KLHDC4: variants seen among roughly 807,000 people sequenced by gnomAD.
The protein encoded by KLHDC4 is kelch domain containing 4, also known as kelch domain-containing protein 4.
A neutral mutation model predicts 62.4 loss-of-function variants in KLHDC4; 90 were observed. The observed-to-expected ratio is 1.44, with a 90% confidence interval of 1.22 to 1.72. The LOEUF (loss-of-function observed/expected upper bound fraction) is 1.72. Ranked by LOEUF, KLHDC4 falls within the 40% of genes most tolerant of loss-of-function variation. KLHDC4 has a pLI of 0.00. For missense variants in KLHDC4, 1,025 were observed against 699.7 expected (o/e 1.47, Z -5.25); for synonymous variants, 386 against 284.4 (o/e 1.36, Z -3.59).
At chr16:87,738,042 G>A (rs544848192) in intron 5 of KLHDC4, among the ~76,000 whole-genome samples, 4 of 152,254 alleles carry the variant, frequency 2.6e-5, no homozygotes, top group East Asian at 1.9e-4. Flanking sequence ...GTTTGCTGTC[G>A]ATAGACCCCA....
chr16:87,702,940 GAAAA>G (rs997711279), downstream of KLHDC4: 5 of 152,108 alleles, frequency 3.3e-5, no homozygotes, highest in Non-Finnish European at 7.3e-5. Context: ...CTTATGAAAT[GAAAA>G]AAAGTTTTCC....
intron 7 of KLHDC4, among the ~76,000 whole-genome samples, chr16:87,718,455 A>G (rs1447321615): frequency 1.3e-5 from 2 of 149,924 alleles, no homozygotes; most frequent in Admixed American, 1.3e-4. Context: ...ATCTCGGCTC[A>G]CTGCAACCTC....
At chr16:87,723,074 G>A (rs1026506377) in intron 7 of KLHDC4, among the ~76,000 whole-genome samples, 7 of 152,178 alleles carry the variant, frequency 4.6e-5, no homozygotes, top group Admixed American at 1.3e-4. Context: ...GTGTAATGGC[G>A]CCAGAGCAAG....
chr16:87,709,233 C>T lies in KLHDC4; in HGVS notation c.1447+32G>A, dbSNP rs76449537. 114 of 1,589,016 alleles carry T rather than the reference C, an allele frequency of 7.2e-5. No individual in the cohort carries two copies. The Middle Eastern group carries it at 1.5e-3, about 21-fold the overall frequency. ...ACACACGACCGTGGGCTCTCGCTCC[C>T]GGGCACGGAGGCACCAAGCTGCCTG... On this transcript the variant is annotated intron_variant, in intron 10 of 11. Coordinates refer to ENST00000270583, the MANE Select transcript of KLHDC4 (RefSeq NM_017566.4).
intron 7 of KLHDC4, among the ~76,000 whole-genome samples, chr16:87,725,247 T>C (rs551318743): frequency 6.6e-6 from 1 of 152,274 alleles, no homozygotes; most frequent in East Asian, 1.9e-4. Flanking sequence ...GTGCCCGCAC[T>C]TGTAAAAATG....
At chr16:87,701,764 T>C (rs1458730452) in exon 1 of KLHDC4, 2 of 456,644 alleles carry the variant, frequency 4.4e-6, no homozygotes, top group South Asian at 1.5e-5. Flanking sequence ...CTCCCAAGCG[T>C]GCACACCCGT....
intron 2 of KLHDC4, 33 bp from the exon 3 acceptor site, chr16:87,756,510 T>A: frequency 6.6e-7 from 1 of 1,517,628 alleles, no homozygotes; most frequent in Non-Finnish European, 9.1e-7. Flanking sequence ...GTCAGCAAGA[T>A]CACCCCCGAT....
chr16:87,743,833 C>T (rs1038256308), intron 5 of KLHDC4, among the ~76,000 whole-genome samples: 3 of 152,118 alleles, frequency 2.0e-5, no homozygotes, highest in Admixed American at 2.0e-4. Context: ...ACCACCATAG[C>T]CCAGGTTTAA....
At chr16:87,714,018 G>A (rs753229950) in intron 8 of KLHDC4, among the ~76,000 whole-genome samples, 5 of 152,262 alleles carry the variant, frequency 3.3e-5, no homozygotes, top group South Asian at 2.1e-4. Flanking sequence ...CTGTGCATGA[G>A]CAACACCGAC....
At chr16:87,741,137 C>G (rs2042176928) in intron 5 of KLHDC4, among the ~76,000 whole-genome samples, 3 of 152,226 alleles carry the variant, frequency 2.0e-5, no homozygotes, top group Non-Finnish European at 4.4e-5. Flanking sequence ...AAAGTATCCA[C>G]ATGATGTCCT....
chr16:87,735,135 T>C (rs2041084148), intron 5 of KLHDC4, among the ~76,000 whole-genome samples: 1 of 150,428 alleles, frequency 6.6e-6, no homozygotes, highest in Non-Finnish European at 1.5e-5. Flanking sequence ...CCGTCTCTAC[T>C]AAAAATACAA....
At chr16:87,712,260 T>C (rs753891228) in intron 8 of KLHDC4, among the ~76,000 whole-genome samples, 12 of 152,046 alleles carry the variant, frequency 7.9e-5, no homozygotes, top group Non-Finnish European at 1.5e-4. Flanking sequence ...TGGAGATTTT[T>C]TTCCTCCAAT....
At chr16:87,741,077 G>T (rs565433919) in intron 5 of KLHDC4, 21 of 152,248 alleles carry the variant, frequency 1.4e-4, no homozygotes, top group African/African-American at 5.1e-4. Flanking sequence ...CCATTATGAC[G>T]TCAAGTATAT....
At chr16:87,708,309 C>T (rs773834009) in intron 11 of KLHDC4, 41 bp downstream of exon 11, 1 of 1,324,458 alleles carries the variant, frequency 7.6e-7, no homozygotes, top group Non-Finnish European at 1.0e-6. Flanking sequence ...CTTTCACGAA[C>T]ACCCAGCAGC....
chr16:87,744,986 C>T (rs894662202), intron 5 of KLHDC4, among the ~76,000 whole-genome samples: 5 of 86,800 alleles, frequency 5.8e-5, no homozygotes, highest in Admixed American at 2.1e-4. Flanking sequence ...TCTGCACACA[C>T]GCGGTGCACA....
rs558880484 is a variant in KLHDC4 at position 87,726,917 on chromosome 16, T to C, written c.607A>G (p.Ile203Val). 1.9e-6 allele frequency: 3 copies of C among 1,613,858 alleles called. No individual in the cohort carries two copies. Among genetic ancestry groups the C allele is most frequent in the South Asian group, 2.2e-5 (2 of 91,076 alleles). ...AAGGCATACACGTCGTTGTAGTAGA[T>C]GTAATCCCTGGTTAGAAGAACAGCA... ...GGFHESTRDY[I>V]YYNDVYAFNL... The change falls in exon 7 of 12, where the codon ATC (isoleucine) becomes GTC (valine). Residue 203 changes from isoleucine (I) to valine (V), a missense_variant. By Grantham distance (29) the Ile-to-Val change is conservative. Transcript: ENST00000270583.
At position 87,761,982 on chromosome 16, in the gene KLHDC4, G is replaced by T; in HGVS notation, c.158C>A (p.Thr53Asn). 6.2e-7 allele frequency: 1 copy of T among 1,614,004 alleles called. No individual in the cohort carries two copies. Reference sequence around the variant, plus strand: ...GGGTGGGGGGCACGGAAGTTCCACAGTCTGAGTCCTCTTGGCATCGAGTGT... The same window carrying T: ...GGGTGGGGGGCACGGAAGTTCCACATTCTGAGTCCTCTTGGCATCGAGTGT... ...FQTLDAKRTQ[T>N]VELPCPPPSP... Residue 53 changes from threonine to asparagine, a missense_variant, in exon 2 of 12, where the codon ACT becomes AAT. Transcript: ENST00000270583.
Position 87,711,339 on chromosome 16 carries a change from C to T in KLHDC4, c.940G>A (p.Gly314Ser). Residue 314 changes from glycine to serine, a missense_variant, in exon 9 of 12, where the codon GGT (glycine) becomes AGT (serine). Coordinates refer to ENST00000270583, the MANE Select transcript of KLHDC4 (RefSeq NM_017566.4). ...APNHQTLFFG[G>S]VCDEEEEESL... ...TCCTCCTCTTCCTCGTCACAGACAC[C>T]CCCGAAGAACAGTGTCTGGTGATTC... The T allele has an allele frequency of 6.2e-7, 1 of 1,614,006 alleles. No homozygotes were observed. Among genetic ancestry groups the T allele is most frequent in the Non-Finnish European group, 8.5e-7 (1 of 1,180,024 alleles).
chr16:87,753,765 C>G (rs1486528812), intron 4 of KLHDC4, among the ~76,000 whole-genome samples: 1 of 150,288 alleles, frequency 6.7e-6, no homozygotes, highest in African/African-American at 2.5e-5. Context: ...CGCGCCACTG[C>G]ACTCCAGCCT....
Sources: allele counts gnomAD v4.1 joint callset (sites outside exome capture counted in the v4.1 genomes callset), GRCh38; gene constraint gnomAD v4.1.1; transcripts MANE v1.5; gene names NCBI Gene and HGNC (gene_info 2026-07-23, HGNC 2026-07-21).